The following FAM117A variants were observed in gnomAD, a reference collection of about 807,000 sequenced individuals.
FAM117A encodes family with sequence similarity 117 member A, also known as protein FAM117A.
A neutral mutation model predicts 44.1 loss-of-function variants in FAM117A; 21 were observed. The observed-to-expected ratio is 0.48, with a 90% CI of 0.34 to 0.69. The LOEUF (loss-of-function observed/expected upper bound fraction) is 0.69. Among genes scored for constraint, FAM117A ranks in the 30% least tolerant of loss-of-function variants. The pLI is 0.01. For missense variants in FAM117A, 498 were observed against 589.9 expected (o/e 0.84, Z 1.61); for synonymous variants, 220 against 238.3 (o/e 0.92, Z 0.71).
At chr17:49,717,294 T>C (rs188802467) in intron 6 of FAM117A, among the ~76,000 whole-genome samples, 1 of 152,334 alleles carries the variant, frequency 6.6e-6, no homozygotes, top group African/African-American at 2.4e-5. Flanking sequence ...GAGGATTAAA[T>C]AGAAGTATAA....
intron 1 of FAM117A, among the ~76,000 whole-genome samples, chr17:49,781,424 T>C (rs2073789203): frequency 6.6e-6 from 1 of 152,212 alleles, no homozygotes; most frequent in Admixed American, 6.5e-5. Flanking sequence ...GCACTGATGA[T>C]GACACTGTAA....
Position 49,722,483 on chromosome 17 carries a change from C to A in FAM117A, c.462+16G>T, listed in dbSNP as rs777846666. 1.9e-6 allele frequency: 3 copies of A among 1,610,068 alleles called. No individual in the cohort carries two copies. The highest frequency in any genetic ancestry group is 2.2e-5 in the South Asian group (2 of 90,506). ...GAAGCCGCTACCCTAGGCAGGGAGTCAAAGTGGGTAGCTACCTCTTTTCGG... is the reference window on the plus strand; with the variant it reads ...GAAGCCGCTACCCTAGGCAGGGAGTAAAAGTGGGTAGCTACCTCTTTTCGG... On this transcript the variant is annotated intron_variant, in intron 3 of 7. Transcript: ENST00000240364.
chr17:49,753,776 T>A (rs542683766), intron 1 of FAM117A, among the ~76,000 whole-genome samples: 2 of 152,274 alleles, frequency 1.3e-5, no homozygotes, highest in South Asian at 2.1e-4. Flanking sequence ...AGAGTGAGAC[T>A]CTGTCTCAAA....
intron 1 of FAM117A, among the ~76,000 whole-genome samples, chr17:49,779,236 G>T (rs2073782903): frequency 6.6e-6 from 1 of 152,204 alleles, no homozygotes; most frequent in African/African-American, 2.4e-5. Flanking sequence ...TCCATGGATA[G>T]GCACATGGAA....
chr17:49,767,040 C>T (rs1255951597), upstream of FAM117A, among the ~76,000 whole-genome samples: 1 of 152,176 alleles, frequency 6.6e-6, no homozygotes. Context: ...GCTGGCAAGA[C>T]ACTAAAGTTG....
intron 1 of FAM117A, among the ~76,000 whole-genome samples, chr17:49,743,587 G>A (rs2073643006): frequency 6.6e-6 from 1 of 152,134 alleles, no homozygotes; most frequent in Non-Finnish European, 1.5e-5. Flanking sequence ...ACATTAGCTG[G>A]GCATGGTGGC....
intron 1 of FAM117A, among the ~76,000 whole-genome samples, chr17:49,740,491 C>T (rs991817728): frequency 1.2e-4 from 18 of 152,156 alleles, no homozygotes; most frequent in African/African-American, 4.1e-4. Context: ...CCTTGTGATC[C>T]GCCCACCTTG....
intron 2 of FAM117A, among the ~76,000 whole-genome samples, chr17:49,727,652 GA>G (rs925719879): frequency 2.0e-5 from 3 of 152,182 alleles, no homozygotes; most frequent in African/African-American, 7.2e-5. Flanking sequence ...CATGGGGGTG[GA>G]GGACAGTTTC....
At chr17:49,754,432 G>T (rs574430438) in intron 1 of FAM117A, among the ~76,000 whole-genome samples, 1 of 151,944 alleles carries the variant, frequency 6.6e-6, no homozygotes, top group African/African-American at 2.4e-5. Flanking sequence ...AGCCTCCCAA[G>T]TAGCTGGGAC....
At chr17:49,732,809 G>A (rs964609294) in intron 1 of FAM117A, 89 bp from the exon 2 acceptor site, 8 of 1,393,460 alleles carry the variant, frequency 5.7e-6, no homozygotes, top group Non-Finnish European at 7.9e-6. Flanking sequence ...GATGTGGCCT[G>A]CCTGCCCCGT....
At chr17:49,743,893 T>C (rs1387201795) in intron 1 of FAM117A, among the ~76,000 whole-genome samples, 4 of 151,364 alleles carry the variant, frequency 2.6e-5, no homozygotes, top group Non-Finnish European at 2.9e-5. Context: ...ATTGTGCCAC[T>C]ACACTCCAGC....
At chr17:49,720,535 G>C in intron 3 of FAM117A, 99 bp from the exon 4 acceptor site, 1 of 837,176 alleles carries the variant, frequency 1.2e-6, no homozygotes, top group South Asian at 1.4e-5. Flanking sequence ...GGCCCATGAA[G>C]ATATATACAA....
intron 7 of FAM117A, among the ~76,000 whole-genome samples, chr17:49,715,253 T>C (rs2073496721): frequency 6.6e-6 from 1 of 152,188 alleles, no homozygotes; most frequent in African/African-American, 2.4e-5. Flanking sequence ...TGGTTTTCTC[T>C]GTAACTCCTA....
chr17:49,719,163 G>A (rs545318153), intron 5 of FAM117A, among the ~76,000 whole-genome samples: 34 of 150,654 alleles, frequency 2.3e-4, no homozygotes, highest in African/African-American at 8.3e-4. Context: ...TGGGGAGGCT[G>A]AGGCAGAGAA....
Position 49,710,976 on chromosome 17 carries a change from A to G in FAM117A, c.*279T>C, listed in dbSNP as rs2073474375. ...ACTGACACCCAGGGGTGGGGGACTC[A>G]AGACCTTCTGGGTGTTTTCCACCAA... On this transcript the variant is annotated 3_prime_UTR_variant, in exon 8 of 8. Transcript: ENST00000240364. 1 of 355,306 alleles carries G rather than the reference A, an allele frequency of 2.8e-6. No individual in the cohort carries two copies. The highest frequency in any genetic ancestry group is 4.6e-5 in the East Asian group (1 of 21,618). The allele number at this position is 355,306 out of a possible 1,614,324, so 22.0% of individuals were successfully genotyped here. A position where few individuals can be genotyped will look rare whatever the true frequency, so the allele number is the denominator to read the frequency against.
At chr17:49,721,004 C>T (rs1461946356) in intron 3 of FAM117A, among the ~76,000 whole-genome samples, 1 of 152,098 alleles carries the variant, frequency 6.6e-6, no homozygotes, top group Non-Finnish European at 1.5e-5. Flanking sequence ...TGAGGCATTG[C>T]GTCTGGCCCT....
At chr17:49,788,186 T>G (rs1958030136) in intron 1 of FAM117A, among the ~76,000 whole-genome samples, 1 of 152,212 alleles carries the variant, frequency 6.6e-6, no homozygotes, top group African/African-American at 2.4e-5. Flanking sequence ...ATCCGTTAGT[T>G]CCTTTTTCAA....
chr17:49,780,097 T>A (rs149966248), intron 1 of FAM117A, among the ~76,000 whole-genome samples: 150 of 152,334 alleles, frequency 9.8e-4, no homozygotes, highest in African/African-American at 3.4e-3. Context: ...TTCCTAGTTG[T>A]GGCTTATACC....
At chr17:49,781,959 G>A (rs2073790775) in intron 1 of FAM117A, among the ~76,000 whole-genome samples, 1 of 152,038 alleles carries the variant, frequency 6.6e-6, no homozygotes, top group African/African-American at 2.4e-5. Flanking sequence ...CTGGGTAACA[G>A]AGCAAGATCC....
Sources: allele counts gnomAD v4.1 joint callset (sites outside exome capture counted in the v4.1 genomes callset), GRCh38; gene constraint gnomAD v4.1.1; transcripts MANE v1.5; gene names NCBI Gene and HGNC (gene_info 2026-07-23, HGNC 2026-07-21).